The following FAM184B variants were observed in gnomAD, a reference collection of about 807,000 sequenced individuals.
FAM184B encodes the protein family with sequence similarity 184 member B.
FAM184B carries 111 observed loss-of-function variants against 135.9 expected under a neutral mutation model. That is an observed-to-expected ratio of 0.82 (90% CI 0.70 to 0.96). FAM184B has a LOEUF of 0.96. Ranked by LOEUF, FAM184B falls within the 40% of genes least tolerant of loss-of-function variation. FAM184B has a pLI of 0.00. For missense variants in FAM184B, 1,375 were observed against 1,323.9 expected, an observed-to-expected ratio of 1.04 and a Z score of -0.60; for synonymous variants, 552 against 524.8, an observed-to-expected ratio of 1.05 and a Z score of -0.71.
At chr4:17,685,419 T>G (rs923746822) in intron 7 of FAM184B, among the ~76,000 whole-genome samples, 1 of 151,486 alleles carries the variant, frequency 6.6e-6, no homozygotes, top group African/African-American at 2.4e-5. Flanking sequence ...CGTGGTGGTG[T>G]GCGCCTATAG....
chr4:17,756,648 G>C (rs1323451008), intron 1 of FAM184B, among the ~76,000 whole-genome samples: 1 of 152,184 alleles, frequency 6.6e-6, no homozygotes, highest in African/African-American at 2.4e-5. Flanking sequence ...GATGGGGTTG[G>C]AGACAGTGGC....
intron 1 of FAM184B, among the ~76,000 whole-genome samples, chr4:17,741,688 A>T (rs957984379): frequency 1.3e-5 from 2 of 152,020 alleles, no homozygotes; most frequent in Non-Finnish European, 2.9e-5. Flanking sequence ...GCAAGACTCC[A>T]TCTCAAAAAC....
At chr4:17,682,687 C>T (rs949873769) in intron 7 of FAM184B, among the ~76,000 whole-genome samples, 1 of 151,924 alleles carries the variant, frequency 6.6e-6, no homozygotes, top group African/African-American at 2.4e-5. Context: ...TCAGTAGAGA[C>T]GAGGTTTTGC....
intron 8 of FAM184B, among the ~76,000 whole-genome samples, chr4:17,660,350 G>A (rs528791351): frequency 6.6e-6 from 1 of 152,232 alleles, no homozygotes; most frequent in South Asian, 2.1e-4. Context: ...CCTGATATCT[G>A]TTTTAGTGGG....
chr4:17,634,821 A>G (rs932721818), intron 16 of FAM184B, among the ~76,000 whole-genome samples, 188 bp downstream of exon 16: 2 of 152,186 alleles, frequency 1.3e-5, no homozygotes, highest in African/African-American at 4.8e-5. Context: ...TTTGGAAAAT[A>G]CAAAATCCCA....
chr4:17,678,720 A>G (rs1480454449), intron 7 of FAM184B, among the ~76,000 whole-genome samples: 1 of 152,226 alleles, frequency 6.6e-6, no homozygotes, highest in East Asian at 1.9e-4. Flanking sequence ...CACACAGCCA[A>G]AGCAAGGCTA....
In FAM184B at chr4:17,632,321, T is replaced by C. The variant is rs548726342; in HGVS notation, c.*211A>G. ...AATTCCTGGACTCAAGCAGTCCATC[T>C]GCCTCAGCCTCCCAAAGTGATGGGA... On this transcript the variant is annotated 3_prime_UTR_variant, in exon 18 of 18. Coordinates refer to ENST00000265018, the MANE Select transcript of FAM184B (RefSeq NM_015688.2). 3.5e-4 allele frequency: 127 copies of C among 366,650 alleles called. No individual in the cohort carries two copies. Among genetic ancestry groups the C allele is most frequent in the African/African-American group, 2.5e-3 (121 of 48,648 alleles). 22.7% of individuals were successfully genotyped at this position (366,650 alleles called of 1,614,324 possible).
chr4:17,663,053 A>G (rs1481442277), intron 8 of FAM184B, among the ~76,000 whole-genome samples: 1 of 152,144 alleles, frequency 6.6e-6, no homozygotes, highest in Admixed American at 6.5e-5. Flanking sequence ...CTCCGACCTC[A>G]GCCTCTTGAG....
At chr4:17,724,647 G>T (rs1380926271) in intron 1 of FAM184B, among the ~76,000 whole-genome samples, 2 of 152,160 alleles carry the variant, frequency 1.3e-5, no homozygotes, top group Non-Finnish European at 2.9e-5. Flanking sequence ...CATCCAGCAG[G>T]CAGGGAACCA....
At chr4:17,658,811 G>T (rs539268736) in intron 9 of FAM184B, among the ~76,000 whole-genome samples, 117 of 152,200 alleles carry the variant, frequency 7.7e-4, no homozygotes, top group African/African-American at 2.8e-3. Flanking sequence ...ATCACTAGGG[G>T]ACTGATGCCT....
At chr4:17,726,350 A>T (rs1207063223) in intron 1 of FAM184B, among the ~76,000 whole-genome samples, 1 of 152,060 alleles carries the variant, frequency 6.6e-6, no homozygotes, top group Non-Finnish European at 1.5e-5. Flanking sequence ...GTGGGCTCTT[A>T]AATGATGTCT....
At chr4:17,772,072 G>A (rs895742580) in intron 1 of FAM184B, among the ~76,000 whole-genome samples, 3 of 152,058 alleles carry the variant, frequency 2.0e-5, no homozygotes, top group African/African-American at 7.2e-5. Context: ...AACATTCCAA[G>A]TTTAACCCCA....
At chr4:17,652,620 C>G (rs1472569949) in intron 11 of FAM184B, among the ~76,000 whole-genome samples, 1 of 151,798 alleles carries the variant, frequency 6.6e-6, no homozygotes, top group Non-Finnish European at 1.5e-5. Context: ...GCCCGAGACC[C>G]CTGGAGCCCT....
At chr4:17,666,469 CTTTTTTTTTTTTT>C (rs386399397) in intron 7 of FAM184B, among the ~76,000 whole-genome samples, 4 of 57,162 alleles carry the variant, frequency 7.0e-5, no homozygotes, top group African/African-American at 2.9e-4. Flanking sequence ...GTGCCTGGTT[CTTTTTTTTTTTTT>C]TTTTTTTTTT....
At chr4:17,734,027 C>T (rs1717850742) in intron 1 of FAM184B, among the ~76,000 whole-genome samples, 1 of 152,132 alleles carries the variant, frequency 6.6e-6, no homozygotes, top group Non-Finnish European at 1.5e-5. Context: ...AATAATGCCA[C>T]ATATCTACAA....
chr4:17,647,583 G>A, intron 12 of FAM184B, 54 bp downstream of exon 12: 1 of 1,517,074 alleles, frequency 6.6e-7, no homozygotes, highest in Non-Finnish European at 8.9e-7. Context: ...TCTTACTGCG[G>A]CCCTGATGCT....
rs745360306 is a variant in FAM184B, at chr4:17,629,916, G to A, written c.*2616C>T. ...TAACAAACAAAAAGCTTAAGTTTGT[G>A]TCCTTAAATGCCTTACTTCAATACC... is the stretch of plus-strand genomic sequence containing the variant. On this transcript the variant is annotated 3_prime_UTR_variant, in exon 18 of 18. Transcript: ENST00000265018. The A allele has an allele frequency of 1.2e-4, 19 of 152,174 alleles. No individual in the cohort carries two copies. Among genetic ancestry groups the A allele is most frequent in the Non-Finnish European group, 2.2e-4 (15 of 68,024 alleles). The allele number at this position is 152,174 out of a possible 1,614,324, so 9.4% of individuals were successfully genotyped here.
intron 7 of FAM184B, among the ~76,000 whole-genome samples, chr4:17,677,551 A>T (rs4698642): frequency 0.53 from 80,627 of 151,988 alleles, 23,494 homozygotes; most frequent in East Asian, 0.82. Flanking sequence ...TGCCAAAAAA[A>T]GTCAAGGACA....
At chr4:17,701,945 T>G (rs1560180160) in intron 5 of FAM184B, among the ~76,000 whole-genome samples, 1 of 152,198 alleles carries the variant, frequency 6.6e-6, no homozygotes, top group Non-Finnish European at 1.5e-5. Flanking sequence ...TTAAATTTTA[T>G]TTGATTGTAA....
Sources: gnomAD v4.1 joint callset for allele counts (sites outside exome capture counted in the v4.1 genomes callset) on GRCh38, gnomAD v4.1.1 for gene constraint, MANE v1.5 for transcripts, NCBI Gene and HGNC (gene_info 2026-07-23, HGNC 2026-07-21) for gene names.